The following NPAS3 variants were observed in gnomAD, a reference collection of about 807,000 sequenced individuals.
NPAS3 encodes the protein neuronal PAS domain protein 3.
A neutral mutation model predicts 73.1 loss-of-function variants in NPAS3; 14 were observed. The observed-to-expected ratio is 0.19, with a 90% confidence interval of 0.13 to 0.30. NPAS3 has a LOEUF of 0.30. Ranked by LOEUF, NPAS3 falls within the 10% of genes least tolerant of loss-of-function variation. The pLI is 1.00. For missense variants in NPAS3, 1,096 were observed against 1,250.0 expected, an observed-to-expected ratio of 0.88 and a Z score of 1.86; for synonymous variants, 620 against 541.5, an observed-to-expected ratio of 1.14 and a Z score of -2.01.
intron 1 of NPAS3, among the ~76,000 whole-genome samples, chr14:33,038,274 G>A (rs1188879160): frequency 6.6e-6 from 1 of 152,024 alleles, no homozygotes; most frequent in Non-Finnish European, 1.5e-5. Flanking sequence ...TTACAAAATA[G>A]CAAAGGAGAG....
At position 33,409,716 on chromosome 14, in the gene NPAS3, G is replaced by A. The variant is rs77905344; in HGVS notation, c.468+42448G>A. ...GAAGAGTCTGGCCCTGGGCCTTTATGCTTTCTTCAATTGAATACTACACAA... is the reference window on the plus strand; with the variant it reads ...GAAGAGTCTGGCCCTGGGCCTTTATACTTTCTTCAATTGAATACTACACAA... On this transcript the variant is annotated intron_variant, in intron 4 of 11. Coordinates refer to ENST00000356141, the Ensembl canonical transcript of NPAS3. Among the ~76,000 whole-genome samples the A allele has an allele frequency of 8.1e-3, 1,228 of 152,240 alleles. 23 individuals carry two copies. The highest frequency in any genetic ancestry group is 0.028 in the African/African-American group (1,148 of 41,546).
intron 3 of NPAS3, among the ~76,000 whole-genome samples, chr14:33,345,842 G>T (rs1423887700): frequency 1.3e-5 from 2 of 152,052 alleles, no homozygotes; most frequent in Non-Finnish European, 2.9e-5. Flanking sequence ...ATTGGTTCTG[G>T]GAATTTCATT....
At chr14:33,591,402 G>A (rs1166844248) in intron 5 of NPAS3, among the ~76,000 whole-genome samples, 2 of 152,178 alleles carry the variant, frequency 1.3e-5, no homozygotes, top group Non-Finnish European at 2.9e-5. Flanking sequence ...GAGTGGAAAA[G>A]CCATTTGTCT....
intron 4 of NPAS3, among the ~76,000 whole-genome samples, chr14:33,401,534 G>A (rs2047444828): frequency 6.6e-6 from 1 of 151,920 alleles, no homozygotes; most frequent in Non-Finnish European, 1.5e-5. Flanking sequence ...ATTCCACTGG[G>A]GCCTCAGCTC....
At chr14:33,503,961 T>C (rs1166956964) in intron 4 of NPAS3, among the ~76,000 whole-genome samples, 1 of 151,992 alleles carries the variant, frequency 6.6e-6, no homozygotes, top group Non-Finnish European at 1.5e-5. Flanking sequence ...AGGTCCTATG[T>C]ACAACAACCT....
intron 1 of NPAS3, among the ~76,000 whole-genome samples, chr14:32,986,147 G>A (rs1256979283): frequency 1.3e-5 from 2 of 152,130 alleles, no homozygotes; most frequent in Non-Finnish European, 2.9e-5. Flanking sequence ...CATGGCTGGG[G>A]CTCTAGCTTT....
chr14:33,482,734 C>G (rs144477384), intron 4 of NPAS3, among the ~76,000 whole-genome samples: 60 of 152,122 alleles, frequency 3.9e-4, no homozygotes, highest in African/African-American at 1.3e-3. Context: ...TCTCCCTGCC[C>G]GTCCTTCTTT....
At chr14:33,705,168 A>AC (rs1375529447) in intron 6 of NPAS3, among the ~76,000 whole-genome samples, 2 of 152,212 alleles carry the variant, frequency 1.3e-5, no homozygotes, top group East Asian at 3.8e-4. Context: ...GAAAGGTACA[A>AC]CAATACAGAT....
chr14:33,715,033 CTTTGA>C (rs897370214), intron 6 of NPAS3, among the ~76,000 whole-genome samples: 65 of 152,302 alleles, frequency 4.3e-4, no homozygotes, highest in African/African-American at 1.5e-3. Context: ...TATTGAGCAG[CTTTGA>C]TTTAAGATAA....
intron 3 of NPAS3, among the ~76,000 whole-genome samples, chr14:33,291,595 A>G (rs879905299): frequency 1.3e-5 from 2 of 152,140 alleles, no homozygotes; most frequent in Non-Finnish European, 2.9e-5. Flanking sequence ...AATGCTAGAG[A>G]TTTTGTTTGT....
chr14:33,498,537 T>C (rs1004745923), intron 4 of NPAS3, among the ~76,000 whole-genome samples: 3 of 152,120 alleles, frequency 2.0e-5, no homozygotes, highest in Non-Finnish European at 2.9e-5. Flanking sequence ...TCATGTCCTT[T>C]GCAGGGACAT....
chr14:33,672,636 C>G (rs1295587181), intron 5 of NPAS3, among the ~76,000 whole-genome samples: 1 of 151,236 alleles, frequency 6.6e-6, no homozygotes, highest in African/African-American at 2.4e-5. Context: ...TATTTTGAGG[C>G]ACAGAATTTA....
At chr14:33,468,705 T>C (rs886364856) in intron 4 of NPAS3, among the ~76,000 whole-genome samples, 5 of 151,996 alleles carry the variant, frequency 3.3e-5, no homozygotes, top group Admixed American at 2.0e-4. Context: ...ATTACAAGAG[T>C]GGTCATCGTT....
chr14:33,242,607 AGATGCG>A (rs1303496172), intron 3 of NPAS3, among the ~76,000 whole-genome samples: 1 of 152,122 alleles, frequency 6.6e-6, no homozygotes. Flanking sequence ...AGAGAGGTTC[AGATGCG>A]TCAACATTAT....
chr14:33,137,408 C>T (rs1178729302), intron 2 of NPAS3, among the ~76,000 whole-genome samples: 1 of 152,150 alleles, frequency 6.6e-6, no homozygotes. Flanking sequence ...TTGTTTGATT[C>T]ACCATCAACT....
intron 4 of NPAS3, among the ~76,000 whole-genome samples, chr14:33,488,338 T>C (rs2051712811): frequency 6.6e-6 from 1 of 151,900 alleles, no homozygotes; most frequent in African/African-American, 2.4e-5. Flanking sequence ...ACCAAGAGTC[T>C]TAACGGGGCT....
chr14:33,729,376 A>G lies in NPAS3; in HGVS notation c.734-5838A>G, dbSNP rs2061347664. ...AGAGGTTCTACATTAATGCTATATG[A>G]GTTGTCTGGTATTGGATAACAAATT... On this transcript the variant is annotated intron_variant, in intron 6 of 11. Transcript: ENST00000356141. Among the ~76,000 whole-genome samples, 4 of 152,306 alleles carry G rather than the reference A, an allele frequency of 2.6e-5. No individual in the cohort carries two copies. The South Asian group carries it at 8.3e-4, about 32-fold the overall frequency.
chr14:33,612,302 C>T (rs1233066340), intron 5 of NPAS3: 7 of 425,792 alleles, frequency 1.6e-5, no homozygotes, highest in South Asian at 3.3e-5. Flanking sequence ...TTCACATTTG[C>T]GCTCAAAGTG....
chr14:33,435,701 T>A (rs530841586), intron 4 of NPAS3, among the ~76,000 whole-genome samples: 2 of 152,250 alleles, frequency 1.3e-5, no homozygotes, highest in African/African-American at 4.8e-5. Context: ...TACCCAAGGG[T>A]GGAGACAGAC....
Sources: allele counts gnomAD v4.1 joint callset (sites outside exome capture counted in the v4.1 genomes callset), GRCh38; gene constraint gnomAD v4.1.1; transcripts MANE v1.5; gene names NCBI Gene and HGNC (gene_info 2026-07-23, HGNC 2026-07-21).